Variants in COL19A1 observed in about 807,000 individuals in gnomAD.
COL19A1 encodes the protein collagen alpha-1(XIX) chain.
COL19A1 carries 159 observed loss-of-function variants against 190.2 expected under a neutral mutation model. That is an observed-to-expected ratio of 0.84 (90% CI 0.73 to 0.95). The LOEUF is 0.95. COL19A1 is among the 40% of genes least tolerant of loss of function. The probability of loss-of-function intolerance (pLI) is 0.00; values close to 1 mark genes in which losing one functional copy is unlikely to be tolerated. For missense variants in COL19A1, 1,418 were observed against 1,431.9 expected (o/e 0.99, Z 0.16); for synonymous variants, 509 against 458.9 (o/e 1.11, Z -1.39).
intron 4 of COL19A1, among the ~76,000 whole-genome samples, chr6:69,905,246 A>G (rs1412243930): frequency 6.6e-6 from 1 of 152,240 alleles, no homozygotes; most frequent in Non-Finnish European, 1.5e-5. Flanking sequence ...GTGGGTGAGC[A>G]GAGAGCTAAA....
At chr6:70,027,340 A>G (rs1778781118) in intron 12 of COL19A1, among the ~76,000 whole-genome samples, 1 of 152,186 alleles carries the variant, frequency 6.6e-6, no homozygotes, top group South Asian at 2.1e-4. Flanking sequence ...TGGAAAGTGT[A>G]AACTTTAATT....
At chr6:70,068,357 C>G in intron 14 of COL19A1, 66 bp from the exon 15 acceptor site, 1 of 1,030,788 alleles carries the variant, frequency 9.7e-7, no homozygotes, top group South Asian at 1.3e-5. Context: ...TTAATTTTCA[C>G]AACATTCTTT....
At chr6:70,073,008 A>C (rs1452266074) in intron 15 of COL19A1, among the ~76,000 whole-genome samples, 1 of 123,112 alleles carries the variant, frequency 8.1e-6, no homozygotes, top group Non-Finnish European at 1.6e-5. Flanking sequence ...TATTATTGAG[A>C]GAGAGTTTTG....
chr6:70,136,361 A>C (rs899474565), intron 18 of COL19A1, among the ~76,000 whole-genome samples: 1 of 152,164 alleles, frequency 6.6e-6, no homozygotes, highest in African/African-American at 2.4e-5. Context: ...CCTTGTTTAT[A>C]ATAGAGAAAA....
intron 4 of COL19A1, among the ~76,000 whole-genome samples, chr6:69,927,466 T>A (rs763858790): frequency 1.5e-4 from 23 of 152,188 alleles, no homozygotes; most frequent in Non-Finnish European, 3.2e-4. Context: ...GACTAAGAAA[T>A]CAGTATTAGG....
At chr6:70,019,985 C>T (rs975124989) in intron 11 of COL19A1, among the ~76,000 whole-genome samples, 1 of 151,956 alleles carries the variant, frequency 6.6e-6, no homozygotes, top group African/African-American at 2.4e-5. Context: ...TACATATTTC[C>T]TTCCAGATAT....
At chr6:70,200,029 G>A in intron 49 of COL19A1, 1 of 235,764 alleles carries the variant, frequency 4.2e-6, no homozygotes, top group South Asian at 5.2e-5. Context: ...GCAATAATGT[G>A]TGCTTATATA....
At chr6:69,949,920 C>G (rs902811242) in intron 9 of COL19A1, among the ~76,000 whole-genome samples, 12 of 151,778 alleles carry the variant, frequency 7.9e-5, no homozygotes, top group African/African-American at 2.7e-4. Context: ...ATATGTATCT[C>G]AGGTCTAATA....
intron 20 of COL19A1, 21 bp from the exon 21 acceptor site, chr6:70,141,872 T>A: frequency 6.7e-7 from 1 of 1,486,414 alleles, no homozygotes; most frequent in Non-Finnish European, 9.4e-7. Context: ...ATTACCCTTA[T>A]AGTAATTATT....
intron 18 of COL19A1, among the ~76,000 whole-genome samples, chr6:70,132,955 T>A (rs1293383151): frequency 6.6e-6 from 1 of 152,210 alleles, no homozygotes; most frequent in Non-Finnish European, 1.5e-5. Context: ...AGGAAGTTAC[T>A]CAAAAGCGCA....
intron 12 of COL19A1, among the ~76,000 whole-genome samples, chr6:70,029,236 A>C (rs1016517280): frequency 6.6e-6 from 1 of 152,170 alleles, no homozygotes; most frequent in Non-Finnish European, 1.5e-5. Flanking sequence ...TTAACAAATA[A>C]TATTTTTATA....
intron 11 of COL19A1, among the ~76,000 whole-genome samples, chr6:69,966,026 A>G (rs1775070005): frequency 6.6e-6 from 1 of 152,242 alleles, no homozygotes; most frequent in South Asian, 2.1e-4. Flanking sequence ...CAATCCTCAG[A>G]TAACAGTTAT....
chr6:69,989,257 T>TA (rs1302057592), intron 11 of COL19A1, among the ~76,000 whole-genome samples: 1 of 152,202 alleles, frequency 6.6e-6, no homozygotes, highest in Non-Finnish European at 1.5e-5. Context: ...CCTCAATGGC[T>TA]AAAAGAGCAT....
At chr6:70,092,233 C>T (rs1013426284) in intron 15 of COL19A1, among the ~76,000 whole-genome samples, 1 of 151,936 alleles carries the variant, frequency 6.6e-6, no homozygotes, top group African/African-American at 2.4e-5. Flanking sequence ...GATATAATGT[C>T]CCAGGTTGTT....
intron 4 of COL19A1, among the ~76,000 whole-genome samples, chr6:69,906,010 A>C (rs2149980589): frequency 6.6e-6 from 1 of 152,318 alleles, no homozygotes; most frequent in Non-Finnish European, 1.5e-5. Context: ...ATAGCAAAGA[A>C]GATTATATTT....
Position 70,156,336 on chromosome 6 carries a change from T to G in COL19A1, c.2205T>G (p.Gly735=). 6.2e-7 allele frequency: 1 copy of G among 1,613,140 alleles called. No homozygotes were observed. The change falls in exon 33 of 51, where the codon GGT becomes GGG. Residue 735 remains glycine, a synonymous_variant. Transcript: ENST00000620364. Reference sequence around the variant, plus strand: ...TCTAGGGTGATATAGGGCCACGGGGTCCTCCAGGAATCCCAGGAAGAGAGG... The same window carrying G: ...TCTAGGGTGATATAGGGCCACGGGGGCCTCCAGGAATCCCAGGAAGAGAGG... ...MARKGDIGPR[G]PPGIPGREGP...
intron 43 of COL19A1, 42 bp from the exon 44 acceptor site, chr6:70,180,419 C>T (rs751377802): frequency 1.9e-6 from 3 of 1,613,910 alleles, no homozygotes; most frequent in South Asian, 2.2e-5. Flanking sequence ...AGTTTTAAAA[C>T]ATTTGTTGGC....
intron 13 of COL19A1, among the ~76,000 whole-genome samples, chr6:70,034,950 A>C (rs1779269699): frequency 6.6e-6 from 1 of 152,210 alleles, no homozygotes; most frequent in African/African-American, 2.4e-5. Context: ...ATGAGTTCCC[A>C]GTGACTGATT....
chr6:70,043,196 T>C (rs6936220), intron 14 of COL19A1, among the ~76,000 whole-genome samples: 2 of 82,500 alleles, frequency 2.4e-5, no homozygotes, highest in East Asian at 2.1e-4. Context: ...TCTTCTTCTT[T>C]TTTTTTTTTT....
Sources: gnomAD v4.1 joint callset for allele counts (sites outside exome capture counted in the v4.1 genomes callset) on GRCh38, gnomAD v4.1.1 for gene constraint, MANE v1.5 for transcripts, NCBI Gene and HGNC (gene_info 2026-07-23, HGNC 2026-07-21) for gene names.